CATSPERB: variants seen among roughly 807,000 people sequenced by gnomAD.
The protein encoded by CATSPERB is cation channel sperm-associated auxiliary subunit beta.
CATSPERB carries 93 observed loss-of-function variants against 128.3 expected under a neutral mutation model. That is an observed-to-expected ratio of 0.72 (90% CI 0.61 to 0.86). The LOEUF is 0.86. Ranked by LOEUF, CATSPERB falls within the 40% of genes least tolerant of loss-of-function variation. CATSPERB has a pLI of 0.00. For synonymous variants in CATSPERB, 381 were observed against 448.8 expected (o/e 0.85, Z 1.91); for missense variants, 1,153 against 1,329.5 (o/e 0.87, Z 2.06).
At chr14:91,710,512 T>C (rs952733951) in intron 5 of CATSPERB, 2 of 152,194 alleles carry the variant, frequency 1.3e-5, no homozygotes, top group African/African-American at 4.8e-5. Flanking sequence ...TTGAGAGACT[T>C]CCAGTTTTTA....
At chr14:91,708,007 G>T in intron 6 of CATSPERB, 134 bp downstream of exon 6, 1 of 663,742 alleles carries the variant, frequency 1.5e-6, no homozygotes, top group East Asian at 2.8e-5. Context: ...TGCCTCAAGG[G>T]TCATGATTAT....
At chr14:91,630,592 T>A (rs755310589) in intron 17 of CATSPERB, among the ~76,000 whole-genome samples, 1 of 152,198 alleles carries the variant, frequency 6.6e-6, no homozygotes, top group African/African-American at 2.4e-5. Flanking sequence ...TTGATCACTT[T>A]CTTGCTCATA....
At position 91,669,860 on chromosome 14, in the gene CATSPERB, A is replaced by G. The variant is rs761392469; in HGVS notation, c.1241T>C (p.Met414Thr). 297 of 1,613,846 alleles carry G rather than the reference A, an allele frequency of 1.8e-4. No individual in the cohort carries two copies. The highest frequency in any genetic ancestry group is 2.6e-4 in the South Asian group (24 of 90,910). ...FPSSFSSPVGMVFHPRSHFLY... is the reference protein window; with the variant it reads ...FPSSFSSPVGTVFHPRSHFLY... The stretch of plus-strand genomic sequence containing the variant: ...AAAGTGGCTTCGGGGATGAAATACC[A>G]TTCCAACGGGAGAAGAGAATGATGA... The change falls in exon 14 of 27, where the codon ATG becomes ACG. Residue 414 changes from methionine to threonine, a missense_variant. Coordinates refer to ENST00000256343, the MANE Select transcript of CATSPERB (RefSeq NM_024764.4).
chr14:91,719,307 G>T, intron 5 of CATSPERB, 111 bp downstream of exon 5: 1 of 684,862 alleles, frequency 1.5e-6, no homozygotes. Context: ...ATACCACATG[G>T]GGGATTTACA....
intron 16 of CATSPERB, 66 bp downstream of exon 16, chr14:91,639,030 C>T: frequency 7.4e-7 from 1 of 1,350,404 alleles, no homozygotes; most frequent in Non-Finnish European, 1.0e-6. Flanking sequence ...TCCCATTATT[C>T]TATGTATTGA....
At position 91,621,849 on chromosome 14, in the gene CATSPERB, A is replaced by G; in HGVS notation, c.2019T>C (p.Asp673=). ...YSSFLITSIL[D]NKNALAIATM... is the part of the protein sequence containing the mutation. ...TAGCAATGGCTAATGCATTCTTATT[A>G]TCTAAAATGCTTGTGATGAGGAAGC... The change falls in exon 19 of 27, where the codon GAT becomes GAC. Residue 673 remains aspartate, a synonymous_variant. Transcript: ENST00000256343. 6 of 1,614,120 alleles carry G rather than the reference A, an allele frequency of 3.7e-6. No individual in the cohort carries two copies. The highest frequency in any genetic ancestry group is 4.2e-6 in the Non-Finnish European group (5 of 1,179,970).
intron 5 of CATSPERB, among the ~76,000 whole-genome samples, chr14:91,718,300 C>T (rs567652676): frequency 6.6e-6 from 1 of 152,202 alleles, no homozygotes; most frequent in African/African-American, 2.4e-5. Flanking sequence ...CAATCTATGC[C>T]AGATGTTATG....
chr14:91,711,219 G>A (rs1464357264), intron 5 of CATSPERB, among the ~76,000 whole-genome samples: 2 of 152,064 alleles, frequency 1.3e-5, no homozygotes, highest in East Asian at 3.9e-4. Context: ...CTTACTCACT[G>A]ATGCACTGGT....
intron 17 of CATSPERB, among the ~76,000 whole-genome samples, chr14:91,626,494 C>T (rs2139792685): frequency 6.6e-6 from 1 of 151,758 alleles, no homozygotes; most frequent in South Asian, 2.1e-4. Context: ...AGGCTTTGCC[C>T]TCACGAATGG....
At chr14:91,594,328 G>A (rs907204850) in intron 22 of CATSPERB, among the ~76,000 whole-genome samples, 8 of 152,066 alleles carry the variant, frequency 5.3e-5, no homozygotes, top group Admixed American at 2.0e-4. Flanking sequence ...GGACTGTTGT[G>A]GGGTGGGGGG....
chr14:91,596,184 T>C (rs532690830), intron 22 of CATSPERB, among the ~76,000 whole-genome samples: 1 of 152,030 alleles, frequency 6.6e-6, no homozygotes, highest in South Asian at 2.1e-4. Flanking sequence ...TCTGTTAGAG[T>C]CTGATAGCTA....
At chr14:91,708,258 A>G in intron 5 of CATSPERB, 22 bp from the exon 6 acceptor site, 1 of 1,433,286 alleles carries the variant, frequency 7.0e-7, no homozygotes, top group Admixed American at 1.8e-5. Context: ...CAAAAGGCAA[A>G]TAATCAACTA....
chr14:91,649,796 A>G (rs562754213), intron 15 of CATSPERB, among the ~76,000 whole-genome samples: 1 of 151,842 alleles, frequency 6.6e-6, no homozygotes, highest in African/African-American at 2.4e-5. Flanking sequence ...TTTAGTTTTA[A>G]CTTTTTGTTA....
rs762176360 is a variant in CATSPERB at position 91,610,631 on chromosome 14, C to T, written c.2447G>A (p.Cys816Tyr). 5 of 1,612,518 alleles carry T rather than the reference C, an allele frequency of 3.1e-6. No homozygotes were observed. Among genetic ancestry groups the T allele is most frequent in the African/African-American group, 1.3e-5 (1 of 74,878 alleles). Residue 816 changes from cysteine to tyrosine, a missense_variant, in exon 21 of 27, where the codon TGC (cysteine) becomes TAC (tyrosine). By Grantham distance (194) the Cys-to-Tyr change is radical. Coordinates refer to ENST00000256343, the MANE Select transcript of CATSPERB (RefSeq NM_024764.4). ...TGTTGGCACCATTGTCGTAACAAAG[C>T]ACTCAGTAGAGGCTGACCACATAAT... ...AFIMWSASTE[C>Y]FVTTMVPTLK...
chr14:91,591,702 A>G (rs1490729806), intron 23 of CATSPERB, among the ~76,000 whole-genome samples, 190 bp downstream of exon 23: 1 of 152,006 alleles, frequency 6.6e-6, no homozygotes, highest in African/African-American at 2.4e-5. Flanking sequence ...GTTTTATTTT[A>G]CCGATGAGGT....
At position 91,591,178 on chromosome 14, in the gene CATSPERB, C is replaced by G. The variant is rs535663289; in HGVS notation, c.2820+714G>C. On this transcript the variant is annotated intron_variant, in intron 23 of 26. Coordinates refer to ENST00000256343, the MANE Select transcript of CATSPERB (RefSeq NM_024764.4). ...GTTTAAGCAATGCTGTCTCAGCCTCCTGAGTAGCTGGGACTACAGGTGCAA... is the reference window on the plus strand; with the variant it reads ...GTTTAAGCAATGCTGTCTCAGCCTCGTGAGTAGCTGGGACTACAGGTGCAA... Among the ~76,000 whole-genome samples the G allele has an allele frequency of 1.7e-3, 262 of 152,254 alleles. 1 individual carries two copies. The highest frequency in any genetic ancestry group is 6.1e-3 in the African/African-American group (255 of 41,530).
chr14:91,592,220 A>G (rs1384114850), intron 22 of CATSPERB: 1 of 537,896 alleles, frequency 1.9e-6, no homozygotes, highest in Non-Finnish European at 3.3e-6. Flanking sequence ...AGTATTACTC[A>G]GCCGCTTGCC....
chr14:91,654,479 A>G (rs912917681), intron 15 of CATSPERB, among the ~76,000 whole-genome samples: 6 of 152,212 alleles, frequency 3.9e-5, no homozygotes, highest in Non-Finnish European at 7.3e-5. Context: ...GGTAATTGCC[A>G]TGGGCTTGGG....
chr14:91,632,360 A>C (rs1281945237), intron 17 of CATSPERB, among the ~76,000 whole-genome samples: 2 of 152,172 alleles, frequency 1.3e-5, no homozygotes, highest in Admixed American at 1.3e-4. Context: ...CTGATTTAAA[A>C]ATGGGCAAAG....
Sources: allele counts gnomAD v4.1 joint callset (sites outside exome capture counted in the v4.1 genomes callset), GRCh38; gene constraint gnomAD v4.1.1; transcripts MANE v1.5; gene names NCBI Gene and HGNC (gene_info 2026-07-23, HGNC 2026-07-21).